The following ARID4B variants were observed in gnomAD, a reference collection of about 807,000 sequenced individuals.
ARID4B encodes the protein AT-rich interactive domain-containing protein 4B.
ARID4B carries 26 observed loss-of-function variants against 147.5 expected under a neutral mutation model. The ratio of observed to expected loss-of-function variants is 0.18; its 90% CI spans 0.13 to 0.24. The LOEUF is 0.24. Among genes scored for constraint, ARID4B ranks in the 10% least tolerant of loss-of-function variants. ARID4B has a pLI of 1.00. For synonymous variants in ARID4B, 512 were observed against 507.9 expected, an observed-to-expected ratio of 1.01 and a Z score of -0.11; for missense variants, 1,179 against 1,511.5, an observed-to-expected ratio of 0.78 and a Z score of 3.65.
intron 22 of ARID4B, 109 bp from the exon 23 acceptor site, chr1:235,172,873 A>T: frequency 1.1e-6 from 1 of 887,654 alleles, no homozygotes; most frequent in Non-Finnish European, 1.6e-6. Flanking sequence ...CAGATGAACT[A>T]AAAAACTAAG....
chr1:235,184,263 T>C (rs1023870325), intron 19 of ARID4B, among the ~76,000 whole-genome samples: 5 of 152,132 alleles, frequency 3.3e-5, no homozygotes, highest in African/African-American at 1.2e-4. Flanking sequence ...AAGATAACAT[T>C]TCCTGAGAAC....
Position 235,206,884 on chromosome 1 carries a change from G to A in ARID4B, c.1841+6885C>T, listed in dbSNP as rs1203150678. On this transcript the variant is annotated intron_variant, in intron 17 of 23. Transcript: ENST00000264183. ...CAGTTCTGCTGAATGAAAATGGAGC[G>A]AAGAAATGTCACAGTAGAAGTCAGG... Among the ~76,000 whole-genome samples, 5 of 152,190 alleles carry A rather than the reference G, an allele frequency of 3.3e-5. 1 individual carries two copies. Among genetic ancestry groups the A allele is most frequent in the Admixed American group, 2.0e-4 (3 of 15,282 alleles).
At chr1:235,255,588 T>A in intron 5 of ARID4B, 72 bp downstream of exon 5, 1 of 954,742 alleles carries the variant, frequency 1.0e-6, no homozygotes, top group Middle Eastern at 3.1e-4. Context: ...TCCAGGAAAT[T>A]TCATTTTATT....
chr1:235,222,889 G>A (rs1221613865), intron 13 of ARID4B, among the ~76,000 whole-genome samples: 1 of 151,706 alleles, frequency 6.6e-6, no homozygotes, highest in African/African-American at 2.4e-5. Flanking sequence ...TGCTATGTTG[G>A]CCAGGCTGTT....
chr1:235,246,535 T>G, intron 6 of ARID4B, 24 bp from the exon 7 acceptor site: 1 of 1,554,136 alleles, frequency 6.4e-7, no homozygotes, highest in East Asian at 2.2e-5. Flanking sequence ...CATAAACCCA[T>G]CAAAAAATTA....
chr1:235,199,036 T>C (rs1427768161), intron 17 of ARID4B, among the ~76,000 whole-genome samples: 1 of 151,910 alleles, frequency 6.6e-6, no homozygotes, highest in Admixed American at 6.6e-5. Context: ...GAGGCGGAGG[T>C]TGCAGTGAGC....
At chr1:235,316,145 A>T (rs1208485357) in intron 2 of ARID4B, among the ~76,000 whole-genome samples, 1 of 152,198 alleles carries the variant, frequency 6.6e-6, no homozygotes, top group Non-Finnish European at 1.5e-5. Flanking sequence ...TTATAAATTT[A>T]AAAAATTCAA....
intron 2 of ARID4B, among the ~76,000 whole-genome samples, chr1:235,288,716 T>C (rs1175695717): frequency 6.6e-6 from 1 of 152,234 alleles, no homozygotes; most frequent in Admixed American, 6.5e-5. Flanking sequence ...GTACATGGGC[T>C]GCTTCTGGGT....
At chr1:235,251,577 A>G (rs1397014312) in intron 6 of ARID4B, among the ~76,000 whole-genome samples, 1 of 152,154 alleles carries the variant, frequency 6.6e-6, no homozygotes, top group Admixed American at 6.5e-5. Flanking sequence ...GTTAATAAGT[A>G]ATATTAAAAT....
intron 2 of ARID4B, among the ~76,000 whole-genome samples, chr1:235,296,795 A>C (rs1179887426): frequency 8.5e-5 from 1 of 11,774 alleles, no homozygotes; most frequent in Non-Finnish European, 2.1e-4. Flanking sequence ...AAAAAGGAGG[A>C]AGGAAGGAAG....
intron 11 of ARID4B, among the ~76,000 whole-genome samples, chr1:235,225,919 T>C (rs1346095593): frequency 6.6e-6 from 1 of 152,190 alleles, no homozygotes; most frequent in Admixed American, 6.5e-5. Flanking sequence ...ACCATTAATT[T>C]GCTAATGATG....
chr1:235,307,652 T>C (rs552294743), intron 2 of ARID4B, among the ~76,000 whole-genome samples: 2 of 152,300 alleles, frequency 1.3e-5, no homozygotes, highest in South Asian at 4.1e-4. Flanking sequence ...GCAGAAGAGA[T>C]AGGTTCTGAA....
At chr1:235,274,763 T>C (rs941614404) in intron 2 of ARID4B, among the ~76,000 whole-genome samples, 1 of 152,214 alleles carries the variant, frequency 6.6e-6, no homozygotes, top group Non-Finnish European at 1.5e-5. Flanking sequence ...AACTCAGCTA[T>C]GGCTACGATC....
intron 21 of ARID4B, among the ~76,000 whole-genome samples, chr1:235,176,118 A>G (rs2102907061): frequency 6.6e-6 from 1 of 152,264 alleles, no homozygotes; most frequent in Admixed American, 6.5e-5. Context: ...TTCTGGATAC[A>G]AAGTATTAGT....
intron 2 of ARID4B, among the ~76,000 whole-genome samples, chr1:235,279,728 T>C (rs1169713676): frequency 6.6e-6 from 1 of 152,132 alleles, no homozygotes; most frequent in Non-Finnish European, 1.5e-5. Flanking sequence ...GAGTGGGTGG[T>C]TGTGTCTAAA....
chr1:235,194,242 TATC>T, intron 18 of ARID4B, 31 bp from the exon 19 acceptor site: 1 of 1,479,860 alleles, frequency 6.8e-7, no homozygotes, highest in African/African-American at 1.4e-5. Flanking sequence ...TGTCGTAATT[TATC>T]ATAAGGCATT....
intron 2 of ARID4B, among the ~76,000 whole-genome samples, chr1:235,325,635 C>G (rs1486680843): frequency 6.6e-6 from 1 of 152,208 alleles, no homozygotes; most frequent in African/African-American, 2.4e-5. Context: ...AATAAATGCA[C>G]TTTCACCACT....
In ARID4B at chr1:235,182,515, T is replaced by C; in HGVS notation, c.2404A>G (p.Lys802Glu). The C allele has an allele frequency of 6.2e-7, 1 of 1,613,210 alleles. No homozygotes were observed. Among genetic ancestry groups the C allele is most frequent in the African/African-American group, 1.3e-5 (1 of 74,960 alleles). Residue 802 changes from lysine (K) to glutamate (E), a missense_variant, in exon 20 of 24, where the codon AAA becomes GAA. By Grantham distance (56) the Lys-to-Glu change is moderately conservative (BLOSUM62 1). This residue lies in a region of ARID4B where 321 missense variants were observed against 342.4 expected (regional missense o/e 0.94). Transcript: ENST00000264183. Reference sequence around the variant, plus strand: ...TCCTTCTTGACATCCTTTCTCTTTTTTGTGACTTCATCTTCTTCATAATCA... The same window carrying C: ...TCCTTCTTGACATCCTTTCTCTTTTCTGTGACTTCATCTTCTTCATAATCA... ...DTDYEEDEVT[K>E]KRKDVKKDTT...
At chr1:235,195,968 G>C (rs1338496824) in intron 18 of ARID4B, 63 bp downstream of exon 18, 3 of 945,450 alleles carry the variant, frequency 3.2e-6, no homozygotes, top group Non-Finnish European at 5.0e-6. Context: ...ATATTTAATT[G>C]CATCATTTGG....
Sources: allele counts gnomAD v4.1 joint callset (sites outside exome capture counted in the v4.1 genomes callset), GRCh38; gene constraint gnomAD v4.1.1; regional missense constraint gnomAD v4.1.1; transcripts MANE v1.5; gene names NCBI Gene and HGNC (gene_info 2026-07-23, HGNC 2026-07-21).